The following UGT1A8 variants were observed in gnomAD, a reference collection of about 807,000 sequenced individuals.
The protein encoded by UGT1A8 is UDP glucuronosyltransferase family 1 member A8.
In UGT1A8, 39 loss-of-function variants were observed where a neutral mutation model predicts 45.3. The ratio of observed to expected loss-of-function variants is 0.86; its 90% CI spans 0.67 to 1.12. The LOEUF is 1.12. Ranked by LOEUF, UGT1A8 falls within the 50% of genes most tolerant of loss-of-function variation. The pLI is 0.00. For synonymous variants in UGT1A8, 275 were observed against 249.2 expected, an observed-to-expected ratio of 1.10 and a Z score of -0.97; for missense variants, 719 against 664.9, an observed-to-expected ratio of 1.08 and a Z score of -0.90.
Position 233,729,793 on chromosome 2 carries a change from A to C in UGT1A8, c.856-37241A>C, listed in dbSNP as rs145403444. 3.6e-5 allele frequency: 58 copies of C among 1,613,368 alleles called. No homozygotes were observed. The African/African-American group carries it at 3.9e-4, about 11-fold the overall frequency. ...GCTCTACCCTCTGGCCCTGTCCTAC[A>C]TTTGCCATGCTTTTTCTGCTCCTTA... On this transcript the variant is annotated intron_variant, in intron 1 of 4. Transcript: ENST00000373450.
intron 1 of UGT1A8, among the ~76,000 whole-genome samples, chr2:233,765,833 T>G (rs532731627): frequency 6.6e-6 from 1 of 152,182 alleles, no homozygotes; most frequent in Admixed American, 6.5e-5. Flanking sequence ...ACAGGAAAAC[T>G]TTCCTTGTCC....
intron 1 of UGT1A8, among the ~76,000 whole-genome samples, chr2:233,667,873 C>T (rs1041850977): frequency 6.6e-6 from 1 of 152,184 alleles, no homozygotes; most frequent in African/African-American, 2.4e-5. Flanking sequence ...ATTAAAAAGT[C>T]AGGAAACAAC....
chr2:233,677,661 A>C lies in UGT1A8; in HGVS notation c.855+59099A>C, dbSNP rs544267971. ...CACACCAGTTAGAATGGCTGTTATT[A>C]AAAAGTCAAGAAATAATAGATGCTG... On this transcript the variant is annotated intron_variant, in intron 1 of 4. Transcript: ENST00000373450. 7.2e-5 allele frequency among the ~76,000 whole-genome samples: 11 copies of C among 152,290 alleles called. No individual in the cohort carries two copies. In the East Asian group the frequency reaches 2.1e-3, roughly 29 times the overall value.
intron 1 of UGT1A8, chr2:233,672,506 C>T (rs774848302): frequency 1.2e-6 from 2 of 1,613,914 alleles, no homozygotes; most frequent in South Asian, 2.2e-5. Flanking sequence ...TCCTATGTCC[C>T]CAGAATTCTC....
In UGT1A8 at chr2:233,768,384, G is replaced by A; in HGVS notation, c.1240G>A (p.Glu414Lys). 2 of 1,614,136 alleles carry A rather than the reference G, an allele frequency of 1.2e-6. No individual in the cohort carries two copies. Among genetic ancestry groups the A allele is most frequent in the Non-Finnish European group, 1.7e-6 (2 of 1,180,028 alleles). ...KGAGVTLNVLEMTSEDLENAL... is the reference protein window; with the variant it reads ...KGAGVTLNVLKMTSEDLENAL... ...AGCTGGAGTGACCCTGAATGTTCTGGAAATGACTTCTGAAGATTTAGAAAA... is the reference window on the plus strand; with the variant it reads ...AGCTGGAGTGACCCTGAATGTTCTGAAAATGACTTCTGAAGATTTAGAAAA... The change falls in exon 4 of 5, where the codon GAA becomes AAA. Residue 414 changes from glutamate (E) to lysine (K), a missense_variant. By Grantham distance (56) the Glu-to-Lys change is moderately conservative. Transcript: ENST00000373450.
At chr2:233,764,575 ACT>A (rs1417974721) in intron 1 of UGT1A8, among the ~76,000 whole-genome samples, 4 of 152,070 alleles carry the variant, frequency 2.6e-5, no homozygotes, top group African/African-American at 9.7e-5. Context: ...GAGAACTTAG[ACT>A]CGGCCTTTTC....
intron 1 of UGT1A8, among the ~76,000 whole-genome samples, chr2:233,757,174 C>T (rs1696427708): frequency 6.6e-6 from 1 of 151,088 alleles, no homozygotes; most frequent in Non-Finnish European, 1.5e-5. Context: ...GTTTTGAGAG[C>T]AAGGCAGAGG....
At chr2:233,685,221 C>T (rs45498701) in intron 1 of UGT1A8, among the ~76,000 whole-genome samples, 4,353 of 152,090 alleles carry the variant, frequency 0.029, 192 homozygotes, top group African/African-American at 0.099. Context: ...TTAATAGAGA[C>T]GGGGTTTCAC....
rs765527686 is a variant in UGT1A8 at position 233,618,221 on chromosome 2, A to G, written c.514A>G (p.Ile172Val). Reference protein sequence around the residue: ...SLPSVVFARGIACHYLEEGAQ... With the variant: ...SLPSVVFARGVACHYLEEGAQ... ...CCCCTCTGTGGTCTTCGCCAGGGGA[A>G]TAGCTTGCCACTATCTTGAAGAAGG... Residue 172 changes from isoleucine to valine, a missense_variant, in exon 1 of 5, where the codon ATA becomes GTA. Physicochemically the swap from Ile to Val is conservative, Grantham distance 29 (BLOSUM62 3). Transcript: ENST00000373450. 1.1e-5 allele frequency: 17 copies of G among 1,613,842 alleles called. No individual in the cohort carries two copies. Among genetic ancestry groups the G allele is most frequent in the Non-Finnish European group, 1.4e-5 (17 of 1,179,908 alleles).
chr2:233,642,328 G>A (rs1423469999), intron 1 of UGT1A8, among the ~76,000 whole-genome samples: 2 of 152,066 alleles, frequency 1.3e-5, no homozygotes, highest in Non-Finnish European at 2.9e-5. Context: ...TATGCCGATT[G>A]CATTTTTCAG....
intron 1 of UGT1A8, chr2:233,691,142 C>T (rs900476148): frequency 4.1e-6 from 4 of 985,690 alleles, no homozygotes; most frequent in African/African-American, 1.7e-5. Context: ...TCTAGATGAA[C>T]TGTTCTTTGA....
chr2:233,719,572 A>T (rs2076782519), intron 1 of UGT1A8: 1 of 1,613,740 alleles, frequency 6.2e-7, no homozygotes, highest in Admixed American at 1.7e-5. Context: ...CTTGTCAGCT[A>T]TGCATCCGTG....
chr2:233,718,792 A>C (rs766693959), intron 1 of UGT1A8: 2 of 1,613,154 alleles, frequency 1.2e-6, no homozygotes, highest in Non-Finnish European at 8.5e-7. Context: ...CGTGGGGTGG[A>C]CAGTCAGCTG....
At chr2:233,743,069 T>G in intron 1 of UGT1A8, 1 of 339,242 alleles carries the variant, frequency 2.9e-6, no homozygotes, top group Non-Finnish European at 5.8e-6. Context: ...AGAACAGGTG[T>G]TGGCATGAAG....
intron 1 of UGT1A8, among the ~76,000 whole-genome samples, chr2:233,716,137 G>A (rs931964011): frequency 4.6e-5 from 7 of 152,042 alleles, no homozygotes; most frequent in African/African-American, 1.2e-4. Flanking sequence ...GAATTCCATG[G>A]CCCTTTTCCA....
chr2:233,700,829 G>A (rs890006339), intron 1 of UGT1A8, among the ~76,000 whole-genome samples: 7 of 151,704 alleles, frequency 4.6e-5, no homozygotes, highest in African/African-American at 1.7e-4. Context: ...CCATTAACTC[G>A]TCATTTAGCA....
intron 1 of UGT1A8, among the ~76,000 whole-genome samples, chr2:233,676,632 G>C (rs1392619679): frequency 6.6e-6 from 1 of 152,150 alleles, no homozygotes; most frequent in Admixed American, 6.6e-5. Context: ...CGGTTTCTCA[G>C]ACTCTCCTTG....
intron 1 of UGT1A8, among the ~76,000 whole-genome samples, chr2:233,759,654 A>G: frequency 8.3e-6 from 1 of 120,204 alleles, no homozygotes; most frequent in Non-Finnish European, 1.6e-5. Flanking sequence ...CACGATTTCT[A>G]AGTTCCTGCT....
intron 1 of UGT1A8, chr2:233,761,078 A>G: frequency 3.7e-6 from 6 of 1,614,128 alleles, no homozygotes; most frequent in Non-Finnish European, 5.1e-6. Flanking sequence ...GTGAAGGATT[A>G]CCCTAGGCCC....
Sources: allele counts gnomAD v4.1 joint callset (sites outside exome capture counted in the v4.1 genomes callset), GRCh38; gene constraint gnomAD v4.1.1; transcripts MANE v1.5; gene names NCBI Gene and HGNC (gene_info 2026-07-23, HGNC 2026-07-21).